CRISPLD2: variants seen among roughly 807,000 people sequenced by gnomAD.
The protein encoded by CRISPLD2 is cysteine-rich secretory protein LCCL domain-containing 2.
CRISPLD2 carries 47 observed loss-of-function variants against 71.1 expected under a neutral mutation model. The ratio of observed to expected loss-of-function variants is 0.66; its 90% CI spans 0.52 to 0.84. The LOEUF is 0.84. Among genes scored for constraint, CRISPLD2 ranks in the 40% least tolerant of loss-of-function variants. The pLI is 0.00. For synonymous variants in CRISPLD2, 317 were observed against 250.1 expected (o/e 1.27, Z -2.52); for missense variants, 830 against 651.1 (o/e 1.27, Z -2.99).
At chr16:84,886,371 A>C (rs190785180) in intron 13 of CRISPLD2, among the ~76,000 whole-genome samples, 28 of 152,258 alleles carry the variant, frequency 1.8e-4, no homozygotes, top group Admixed American at 5.9e-4. Flanking sequence ...GGGCCCCCGG[A>C]TGGGCCGAGG....
At chr16:84,824,813 C>T (rs980952590) in intron 1 of CRISPLD2, among the ~76,000 whole-genome samples, 2 of 152,122 alleles carry the variant, frequency 1.3e-5, no homozygotes, top group East Asian at 3.9e-4. Flanking sequence ...AATAAAAATA[C>T]AAAATATGGG....
At chr16:84,864,031 G>T (rs529202570) in intron 6 of CRISPLD2, among the ~76,000 whole-genome samples, 5 of 151,802 alleles carry the variant, frequency 3.3e-5, no homozygotes, top group African/African-American at 1.2e-4. Context: ...ATGCATGCCG[G>T]GGAGGGCCCA....
In CRISPLD2 at chr16:84,909,357, G is replaced by A. The variant is rs1597492942; in HGVS notation, c.*2715G>A. ...TATTTTGCTACTTCCTGTGTACAAA[G>A]TTTTATTGTAAATGTTTTTTGTGCT... On this transcript the variant is annotated 3_prime_UTR_variant, in exon 15 of 15. Transcript: ENST00000262424. 1.3e-5 allele frequency: 2 copies of A among 152,596 alleles called. No homozygotes were observed. Among genetic ancestry groups the A allele is most frequent in the East Asian group, 3.9e-4 (2 of 5,194 alleles). 9.5% of individuals were successfully genotyped at this position (152,596 alleles called of 1,614,324 possible).
At chr16:84,849,600 T>A in intron 4 of CRISPLD2, 83 bp downstream of exon 4, 1 of 1,317,010 alleles carries the variant, frequency 7.6e-7, no homozygotes, top group South Asian at 1.3e-5. Flanking sequence ...TTGTCAAATC[T>A]GTAAAGCCTC....
chr16:84,850,468 G>A (rs903327531), intron 4 of CRISPLD2, 100 bp from the exon 5 acceptor site: 35 of 888,234 alleles, frequency 3.9e-5, no homozygotes, highest in African/African-American at 9.8e-5. Flanking sequence ...CCTTCACCTC[G>A]TACCTCTTTA....
intron 6 of CRISPLD2, 30 bp downstream of exon 6, chr16:84,854,859 A>G (rs768492870): frequency 2.1e-5 from 33 of 1,549,652 alleles, no homozygotes; most frequent in South Asian, 1.2e-4. Context: ...CACTTTTGCA[A>G]TGAATTTGCC....
intron 1 of CRISPLD2, among the ~76,000 whole-genome samples, chr16:84,832,551 C>G (rs115902965): frequency 0.045 from 6,920 of 152,350 alleles, 532 homozygotes; most frequent in African/African-American, 0.16. Flanking sequence ...GAACGAGACC[C>G]GCAGGTCTGC....
Position 84,867,009 on chromosome 16 carries a change from G to A in CRISPLD2, c.822G>A (p.Lys274=). The change falls in exon 7 of 15, where the codon AAG becomes AAA. Residue 274 remains lysine, a synonymous_variant. Transcript: ENST00000262424. The part of the protein sequence containing the change: ...WLQPRVMRPT[K]PKKTSAVNYM... Reference sequence around the variant, plus strand: ...AACCGAGGGTGATGAGACCCACCAAGCCCAAGAAAACCTCTGCGGTCAACT... The same window carrying A: ...AACCGAGGGTGATGAGACCCACCAAACCCAAGAAAACCTCTGCGGTCAACT... 6.2e-7 allele frequency: 1 copy of A among 1,614,044 alleles called. No homozygotes were observed. The highest frequency in any genetic ancestry group is 8.5e-7 in the Non-Finnish European group (1 of 1,180,006).
chr16:84,844,642 C>T (rs1262306898), intron 2 of CRISPLD2, among the ~76,000 whole-genome samples: 1 of 152,092 alleles, frequency 6.6e-6, no homozygotes, highest in Non-Finnish European at 1.5e-5. Context: ...GGATTACAGG[C>T]GTGAGCCACT....
chr16:84,835,239 C>T (rs4782666), intron 1 of CRISPLD2, among the ~76,000 whole-genome samples: 37,144 of 151,806 alleles, frequency 0.24, 4,722 homozygotes, highest in Middle Eastern at 0.38. Flanking sequence ...TACAGGCAGG[C>T]GCCACCACGC....
At position 84,908,825 on chromosome 16, in the gene CRISPLD2, A is replaced by T. The variant is rs1311384049; in HGVS notation, c.*2183A>T. On this transcript the variant is annotated 3_prime_UTR_variant, in exon 15 of 15. Transcript: ENST00000262424. Reference sequence around the variant, plus strand: ...TGCATCAGCCTCCCAAGTACCTGGGACTACAGGCGTGAGCTACCATGCCCG... The same window carrying T: ...TGCATCAGCCTCCCAAGTACCTGGGTCTACAGGCGTGAGCTACCATGCCCG... 6.6e-6 allele frequency: 1 copy of T among 151,736 alleles called. No individual in the cohort carries two copies. Among genetic ancestry groups the T allele is most frequent in the African/African-American group, 2.4e-5 (1 of 41,236 alleles). The allele number at this position is 151,736 out of a possible 1,614,324, so 9.4% of individuals were successfully genotyped here.
chr16:84,902,383 G>A (rs2071762957), intron 14 of CRISPLD2, among the ~76,000 whole-genome samples: 1 of 151,802 alleles, frequency 6.6e-6, no homozygotes, highest in South Asian at 2.1e-4. Context: ...GCCGAGGAGG[G>A]TGGATCGCAA....
chr16:84,847,784 A>C (rs1319785711), intron 3 of CRISPLD2, among the ~76,000 whole-genome samples: 1 of 152,134 alleles, frequency 6.6e-6, no homozygotes, highest in Admixed American at 6.5e-5. Flanking sequence ...GCGCCGACGT[A>C]GTTTTACAGC....
intron 12 of CRISPLD2, among the ~76,000 whole-genome samples, chr16:84,879,896 A>C (rs1035018247): frequency 6.6e-6 from 1 of 152,216 alleles, no homozygotes; most frequent in Non-Finnish European, 1.5e-5. Context: ...TCTTTTCTTA[A>C]GTAAAGCCCG....
intron 2 of CRISPLD2, among the ~76,000 whole-genome samples, chr16:84,840,492 G>C (rs1327043032): frequency 6.6e-6 from 1 of 152,038 alleles, no homozygotes; most frequent in Non-Finnish European, 1.5e-5. Context: ...GTGCTAATAC[G>C]TATTTATTGT....
At chr16:84,849,583 T>A in intron 4 of CRISPLD2, 66 bp downstream of exon 4, 7 of 1,452,480 alleles carry the variant, frequency 4.8e-6, no homozygotes, top group Non-Finnish European at 5.6e-6. Flanking sequence ...CCCCTGCCCC[T>A]GGGGGATTGT....
Position 84,887,603 on chromosome 16 carries a change from G to C in CRISPLD2, c.1306-1627G>C, listed in dbSNP as rs184411628. On this transcript the variant is annotated intron_variant, in intron 13 of 14. Coordinates refer to ENST00000262424, the MANE Select transcript of CRISPLD2 (RefSeq NM_031476.4). The stretch of plus-strand genomic sequence containing the variant: ...CTATAAATTTGAAGTCAGGCCGGGC[G>C]CGGCGGCTCACGCCTGTAGTCCCAG... Among the ~76,000 whole-genome samples the C allele has an allele frequency of 6.9e-3, 1,044 of 152,356 alleles. 10 individuals carry two copies. Among genetic ancestry groups the C allele is most frequent in the African/African-American group, 0.024 (992 of 41,590 alleles).
At chr16:84,831,146 C>T (rs1916478762) in intron 1 of CRISPLD2, among the ~76,000 whole-genome samples, 1 of 152,304 alleles carries the variant, frequency 6.6e-6, no homozygotes, top group Non-Finnish European at 1.5e-5. Flanking sequence ...CCTGTCAACT[C>T]AGCTGAGACG....
chr16:84,857,095 G>A (rs1029060721), intron 6 of CRISPLD2, among the ~76,000 whole-genome samples: 13 of 152,188 alleles, frequency 8.5e-5, no homozygotes, highest in Admixed American at 7.2e-4. Flanking sequence ...GTGCCATATC[G>A]AGGGCTCAGT....
Sources: allele counts gnomAD v4.1 joint callset (sites outside exome capture counted in the v4.1 genomes callset), GRCh38; gene constraint gnomAD v4.1.1; transcripts MANE v1.5; gene names NCBI Gene and HGNC (gene_info 2026-07-23, HGNC 2026-07-21).